The following RSU1 variants were observed in gnomAD, a reference collection of about 807,000 sequenced individuals.
RSU1 encodes the protein Ras suppressor protein 1, also known as rsu-1.
In RSU1, 26 loss-of-function variants were observed where a neutral mutation model predicts 31.1. The ratio of observed to expected loss-of-function variants is 0.84; its 90% CI spans 0.61 to 1.16. The LOEUF is 1.16. RSU1 is among the 50% of genes most tolerant of loss of function. The pLI, the probability that RSU1 is intolerant of heterozygous loss-of-function variation, is 0.00. For synonymous variants in RSU1, 164 were observed against 136.3 expected (o/e 1.20, Z -1.41); for missense variants, 320 against 339.1 (o/e 0.94, Z 0.44).
At position 16,645,971 on chromosome 10, in the gene RSU1, T is replaced by TAC. The variant is rs1486518694; in HGVS notation, c.731+49051_731+49052insGT. Among the ~76,000 whole-genome samples the TAC allele has an allele frequency of 4.2e-5, 4 of 95,354 alleles. 1 individual carries two copies. The South Asian group carries it at 1.4e-3, about 32-fold the overall frequency. 62.6% of individuals were successfully genotyped at this position (95,354 alleles called of 152,430 possible). On this transcript the variant is annotated intron_variant, in intron 8 of 8. Coordinates refer to ENST00000345264, the MANE Select transcript of RSU1 (RefSeq NM_012425.4). ...ATGTGTATATACATATATGTGTATA[T>TAC]ATATGTGTATATACATATATGTGTA...
At chr10:16,774,578 A>G (rs1837490369) in intron 3 of RSU1, among the ~76,000 whole-genome samples, 1 of 152,186 alleles carries the variant, frequency 6.6e-6, no homozygotes, top group Non-Finnish European at 1.5e-5. Flanking sequence ...TCAAACAAAC[A>G]AACAAAAAAA....
At chr10:16,674,659 T>C (rs1241931467) in intron 8 of RSU1, among the ~76,000 whole-genome samples, 1 of 151,736 alleles carries the variant, frequency 6.6e-6, no homozygotes, top group Non-Finnish European at 1.5e-5. Context: ...TTAGATACAG[T>C]GATAATGGAA....
intron 2 of RSU1, 110 bp downstream of exon 2, chr10:16,816,863 G>A (rs1027768720): frequency 1.3e-6 from 1 of 744,940 alleles, no homozygotes; most frequent in East Asian, 2.5e-5. Flanking sequence ...TTTACAAGCA[G>A]GGGCTGGGGT....
At position 16,809,384 on chromosome 10, in the gene RSU1, C is replaced by G. The variant is rs141744662; in HGVS notation, c.109+7589G>C. ...AGATAAAATGCCATTAAGACTCCATCTCTCTACCCAAAGACAGAACCTGGC... is the reference window on the plus strand; with the variant it reads ...AGATAAAATGCCATTAAGACTCCATGTCTCTACCCAAAGACAGAACCTGGC... On this transcript the variant is annotated intron_variant, in intron 2 of 8. Transcript: ENST00000345264. Among the ~76,000 whole-genome samples the G allele has an allele frequency of 4.6e-3, 706 of 152,302 alleles. 12 individuals carry two copies. The highest frequency in any genetic ancestry group is 0.016 in the African/African-American group (682 of 41,568).
chr10:16,807,023 G>A (rs924812625), intron 2 of RSU1, among the ~76,000 whole-genome samples: 6 of 152,252 alleles, frequency 3.9e-5, no homozygotes, highest in Admixed American at 2.0e-4. Flanking sequence ...CTCCGGAAGC[G>A]CTGGGATTAC....
At chr10:16,761,636 C>A (rs1837213697) in intron 4 of RSU1, among the ~76,000 whole-genome samples, 1 of 152,090 alleles carries the variant, frequency 6.6e-6, no homozygotes. Flanking sequence ...GCGGGTGGAT[C>A]ATGAGGTCAG....
intron 2 of RSU1, among the ~76,000 whole-genome samples, chr10:16,811,804 A>G (rs571244110): frequency 6.6e-6 from 1 of 152,332 alleles, no homozygotes; most frequent in Admixed American, 6.5e-5. Flanking sequence ...CTCCAGAGCT[A>G]TGCTTTCTCC....
intron 8 of RSU1, among the ~76,000 whole-genome samples, chr10:16,679,639 G>C (rs893719195): frequency 6.6e-6 from 1 of 152,136 alleles, no homozygotes; most frequent in Admixed American, 6.5e-5. Context: ...GGCAGCACAC[G>C]TGGACGTGAG....
chr10:16,683,125 T>C (rs1835363026), intron 8 of RSU1, among the ~76,000 whole-genome samples: 1 of 143,876 alleles, frequency 7.0e-6, no homozygotes, highest in Non-Finnish European at 1.5e-5. Context: ...TAACATGATG[T>C]TGAAACCCAA....
intron 3 of RSU1, among the ~76,000 whole-genome samples, chr10:16,775,151 TACAC>T (rs1385673579): frequency 6.6e-6 from 1 of 152,210 alleles, no homozygotes; most frequent in Non-Finnish European, 1.5e-5. Flanking sequence ...TACTCACATG[TACAC>T]ACACATCAAG....
intron 4 of RSU1, among the ~76,000 whole-genome samples, chr10:16,760,659 G>A (rs1252174937): frequency 6.6e-6 from 1 of 152,032 alleles, no homozygotes; most frequent in Non-Finnish European, 1.5e-5. Context: ...TTTTTCAGCT[G>A]CCCAACACAG....
chr10:16,725,502 G>A (rs1261319067), intron 7 of RSU1, among the ~76,000 whole-genome samples: 1 of 149,746 alleles, frequency 6.7e-6, no homozygotes, highest in East Asian at 2.2e-4. Flanking sequence ...CATCTTGAGC[G>A]GGGGGCCTTC....
chr10:16,769,523 C>A (rs1257661682), intron 3 of RSU1, among the ~76,000 whole-genome samples: 3 of 152,178 alleles, frequency 2.0e-5, no homozygotes, highest in African/African-American at 7.2e-5. Flanking sequence ...GGGTCTCAAA[C>A]CACAGAGACG....
chr10:16,598,423 A>G (rs1475272376), intron 8 of RSU1, among the ~76,000 whole-genome samples: 2 of 151,842 alleles, frequency 1.3e-5, no homozygotes, highest in Admixed American at 1.3e-4. Context: ...GGTGGAGCAC[A>G]CCTGTAGTCC....
chr10:16,780,851 A>C (rs1473513104), intron 3 of RSU1, among the ~76,000 whole-genome samples: 2 of 152,174 alleles, frequency 1.3e-5, no homozygotes, highest in African/African-American at 2.4e-5. Context: ...TGTAGGTCTC[A>C]CTTTTGGCTT....
At chr10:16,732,450 A>G (rs1836534182) in intron 7 of RSU1, among the ~76,000 whole-genome samples, 1 of 152,176 alleles carries the variant, frequency 6.6e-6, no homozygotes, top group East Asian at 1.9e-4. Flanking sequence ...ACACAAGAAA[A>G]ATGATCTCTC....
intron 8 of RSU1, among the ~76,000 whole-genome samples, chr10:16,694,021 A>T (rs1484604643): frequency 6.6e-6 from 1 of 152,142 alleles, no homozygotes; most frequent in Non-Finnish European, 1.5e-5. Flanking sequence ...TTGATAAATG[A>T]CAGTTTGTTT....
chr10:16,678,679 T>C (rs765513296), intron 8 of RSU1, among the ~76,000 whole-genome samples: 23 of 152,176 alleles, frequency 1.5e-4, no homozygotes, highest in Non-Finnish European at 2.5e-4. Flanking sequence ...ATCTTTTCAA[T>C]AGTGAATACA....
chr10:16,633,204 C>T lies in RSU1; in HGVS notation c.732-39708G>A, dbSNP rs73601046. 4.7e-3 allele frequency among the ~76,000 whole-genome samples: 720 copies of T among 152,172 alleles called. 5 individuals carry two copies. Among genetic ancestry groups the T allele is most frequent in the African/African-American group, 0.017 (688 of 41,528 alleles). On this transcript the variant is annotated intron_variant, in intron 8 of 8. Transcript: ENST00000345264. ...TCCAGAGAGCGCCAAGTGTCCCCAGCGGGAGTGGGGGTGTGTGTGAAATTG... is the reference window on the plus strand; with the variant it reads ...TCCAGAGAGCGCCAAGTGTCCCCAGTGGGAGTGGGGGTGTGTGTGAAATTG...
Sources: gnomAD v4.1 joint callset for allele counts (sites outside exome capture counted in the v4.1 genomes callset) on GRCh38, gnomAD v4.1.1 for gene constraint, MANE v1.5 for transcripts, NCBI Gene and HGNC (gene_info 2026-07-23, HGNC 2026-07-21) for gene names.